The following CDH13 variants were observed in gnomAD, a reference collection of about 807,000 sequenced individuals.
CDH13 encodes cadherin 13.
In CDH13, 24 loss-of-function variants were observed where a neutral mutation model predicts 63.8. That is an observed-to-expected ratio of 0.38 (90% CI 0.27 to 0.53). The LOEUF is 0.53. Among genes scored for constraint, CDH13 ranks in the 20% least tolerant of loss-of-function variants. The probability of loss-of-function intolerance (pLI) is 0.85; values close to 1 mark genes in which losing one functional copy is unlikely to be tolerated. For synonymous variants in CDH13, 503 were observed against 355.3 expected (o/e 1.42, Z -4.67); for missense variants, 1,049 against 903.1 (o/e 1.16, Z -2.07).
intron 5 of CDH13, among the ~76,000 whole-genome samples, chr16:83,305,953 A>G (rs936549078): frequency 2.6e-5 from 4 of 152,206 alleles, no homozygotes; most frequent in Non-Finnish European, 5.9e-5. Flanking sequence ...TGATCATTCT[A>G]ATCTAGAACA....
At chr16:82,768,020 G>A (rs1010742907) in intron 1 of CDH13, among the ~76,000 whole-genome samples, 1 of 152,180 alleles carries the variant, frequency 6.6e-6, no homozygotes, top group Non-Finnish European at 1.5e-5. Flanking sequence ...TGAGTCATGG[G>A]CGTGCCTTGG....
At chr16:83,368,898 A>G (rs1490835002) in intron 6 of CDH13, among the ~76,000 whole-genome samples, 4 of 41,486 alleles carry the variant, frequency 9.6e-5, no homozygotes, top group African/African-American at 1.7e-4. Flanking sequence ...ATATATATAT[A>G]TATATATATA....
At chr16:83,306,945 A>T (rs941441953) in intron 5 of CDH13, among the ~76,000 whole-genome samples, 6 of 152,230 alleles carry the variant, frequency 3.9e-5, no homozygotes, top group Non-Finnish European at 5.9e-5. Flanking sequence ...GCAGACAGGA[A>T]AAAGAAAATC....
At chr16:83,231,139 C>CACATCA (rs2039989561) in intron 5 of CDH13, among the ~76,000 whole-genome samples, 1 of 152,312 alleles carries the variant, frequency 6.6e-6, no homozygotes, top group Non-Finnish European at 1.5e-5. Flanking sequence ...AGATAACTTG[C>CACATCA]ACATCACGGC....
chr16:82,664,100 G>A (rs112856894), intron 1 of CDH13, among the ~76,000 whole-genome samples: 6 of 152,200 alleles, frequency 3.9e-5, no homozygotes, highest in African/African-American at 9.7e-5. Flanking sequence ...GTGGTTTTTC[G>A]AAGTCAGTGA....
intron 3 of CDH13, among the ~76,000 whole-genome samples, chr16:83,034,967 C>G (rs1004313879): frequency 4.6e-5 from 7 of 152,044 alleles, no homozygotes; most frequent in Admixed American, 2.0e-4. Context: ...GCTGCCGTGT[C>G]CTTCAGTTTG....
chr16:83,616,564 G>A (rs979961630), intron 8 of CDH13, among the ~76,000 whole-genome samples: 1 of 151,582 alleles, frequency 6.6e-6, no homozygotes, highest in Non-Finnish European at 1.5e-5. Flanking sequence ...TCTATTCAAA[G>A]ATAATATCCT....
At chr16:83,595,964 T>A (rs925977676) in intron 7 of CDH13, among the ~76,000 whole-genome samples, 6 of 152,212 alleles carry the variant, frequency 3.9e-5, no homozygotes, top group Non-Finnish European at 7.3e-5. Flanking sequence ...AAAGCTCCAG[T>A]CCTTGGCAGC....
chr16:82,705,804 G>A (rs1376921419), intron 1 of CDH13, among the ~76,000 whole-genome samples: 1 of 152,164 alleles, frequency 6.6e-6, no homozygotes, highest in East Asian at 1.9e-4. Flanking sequence ...TTCTCATTTT[G>A]TTTATGATCC....
chr16:82,721,011 G>C (rs183910595), intron 1 of CDH13, among the ~76,000 whole-genome samples: 1 of 152,322 alleles, frequency 6.6e-6, no homozygotes, highest in African/African-American at 2.4e-5. Context: ...ATGAAGCCAT[G>C]ATAATTACTG....
chr16:83,421,211 G>A (rs913831602), intron 6 of CDH13, among the ~76,000 whole-genome samples: 17 of 152,168 alleles, frequency 1.1e-4, no homozygotes, highest in African/African-American at 4.1e-4. Context: ...AAACTCTCAG[G>A]AAAGTATAGG....
chr16:83,157,437 C>G (rs2037252611), intron 4 of CDH13, among the ~76,000 whole-genome samples: 1 of 152,180 alleles, frequency 6.6e-6, no homozygotes, highest in South Asian at 2.1e-4. Context: ...GAAACATCTT[C>G]AGGCTAACCC....
chr16:82,827,111 C>G (rs2038292320), intron 1 of CDH13, among the ~76,000 whole-genome samples: 1 of 152,132 alleles, frequency 6.6e-6, no homozygotes, highest in Non-Finnish European at 1.5e-5. Flanking sequence ...ACAGCCTTAG[C>G]CTTGTTCTGC....
chr16:83,492,038 C>T (rs1319928064), intron 7 of CDH13, among the ~76,000 whole-genome samples: 6 of 152,144 alleles, frequency 3.9e-5, no homozygotes, highest in East Asian at 3.8e-4. Flanking sequence ...ACATCCTATG[C>T]CATCTAGCCA....
At chr16:83,026,273 G>A (rs1439880443) in intron 2 of CDH13, among the ~76,000 whole-genome samples, 1 of 152,212 alleles carries the variant, frequency 6.6e-6, no homozygotes, top group Non-Finnish European at 1.5e-5. Context: ...TTCCTAGGAA[G>A]CAGATGTGCC....
At chr16:83,298,022 G>A (rs931743186) in intron 5 of CDH13, among the ~76,000 whole-genome samples, 2 of 145,784 alleles carry the variant, frequency 1.4e-5, no homozygotes, top group Admixed American at 1.4e-4. Context: ...ACCAGCCTAG[G>A]TAACATGGCA....
Position 82,672,999 on chromosome 16 carries a change from C to CTTTTTTTTTTTTTTTTTTTTTTTTT in CDH13, c.45+45882_45+45883insTTTTTTTTTTTTTTTTTTTTTTTTT, listed in dbSNP as rs562942948. On this transcript the variant is annotated intron_variant, in intron 1 of 13. Transcript: ENST00000567109. ...GTATGGCTAATTTTTATAAAGTTTT[C>CTTTTTTTTTTTTTTTTTTTTTTTTT]TTTTTTTTTTTTTTTTTTTTGTAGA... is the stretch of plus-strand genomic sequence containing the variant. Among the ~76,000 whole-genome samples the CTTTTTTTTTTTTTTTTTTTTTTTTT allele has an allele frequency of 3.7e-5, 3 of 81,268 alleles. 1 individual carries two copies. The highest frequency in any genetic ancestry group is 1.6e-4 in the African/African-American group (3 of 18,594). 53.3% of individuals were successfully genotyped at this position (81,268 alleles called of 152,430 possible). A position where few individuals can be genotyped will look rare whatever the true frequency, so the allele number is the denominator to read the frequency against.
intron 5 of CDH13, among the ~76,000 whole-genome samples, chr16:83,243,807 C>G (rs1207497532): frequency 6.6e-6 from 1 of 152,160 alleles, no homozygotes; most frequent in Non-Finnish European, 1.5e-5. Flanking sequence ...TAAATGAGAT[C>G]TTAGCCTCAG....
At chr16:82,872,094 T>C (rs1006418900) in intron 2 of CDH13, among the ~76,000 whole-genome samples, 1 of 152,184 alleles carries the variant, frequency 6.6e-6, no homozygotes, top group African/African-American at 2.4e-5. Flanking sequence ...AGTCAGACAG[T>C]CCGTTCTAAG....
Sources: allele counts gnomAD v4.1 joint callset (sites outside exome capture counted in the v4.1 genomes callset), GRCh38; gene constraint gnomAD v4.1.1; transcripts MANE v1.5; gene names NCBI Gene and HGNC (gene_info 2026-07-23, HGNC 2026-07-21).